Variants in PTCSC3 observed in about 807,000 individuals in gnomAD.
The protein encoded by PTCSC3 is papillary thyroid carcinoma susceptibility candidate 3 (non-protein coding).
At chr14:36,167,017 T>C (rs1882100565) in intron 1 of PTCSC3, among the ~76,000 whole-genome samples, 1 of 152,204 alleles carries the variant, frequency 6.6e-6, no homozygotes, top group Admixed American at 6.5e-5. Context: ...TGATAGAGGC[T>C]ATACCATAAT....
At chr14:36,153,843 T>C (rs1881773697) in exon 3 of PTCSC3, 2 of 152,090 alleles carry the variant, frequency 1.3e-5, no homozygotes, top group African/African-American at 2.4e-5. Flanking sequence ...GTGGGAAGAT[T>C]GTTCAAGCCC....
intron 3 of PTCSC3, among the ~76,000 whole-genome samples, chr14:36,148,372 G>A (rs1041565036): frequency 7.2e-5 from 11 of 152,204 alleles, no homozygotes; most frequent in Non-Finnish European, 1.2e-4. Flanking sequence ...GTGGTGCGCC[G>A]TTTTTTAAGC....
chr14:36,167,891 G>T (rs1882120962), intron 1 of PTCSC3, among the ~76,000 whole-genome samples: 1 of 152,072 alleles, frequency 6.6e-6, no homozygotes, highest in Admixed American at 6.6e-5. Context: ...CTACAACAAA[G>T]AATATGCTAA....
chr14:36,168,397 A>ATATATATT (rs1882135973), intron 1 of PTCSC3, among the ~76,000 whole-genome samples: 1 of 123,954 alleles, frequency 8.1e-6, no homozygotes, highest in African/African-American at 2.8e-5. Flanking sequence ...ATATATATAT[A>ATATATATT]TTCTACTTTT....
chr14:36,158,143 G>A (rs1416900389), intron 2 of PTCSC3, among the ~76,000 whole-genome samples: 6 of 152,190 alleles, frequency 3.9e-5, no homozygotes, highest in Non-Finnish European at 8.8e-5. Context: ...TCAGCTTAAG[G>A]AGATTTTGGG....
intron 2 of PTCSC3, among the ~76,000 whole-genome samples, chr14:36,155,625 G>A (rs1348698349): frequency 6.6e-6 from 1 of 152,034 alleles, no homozygotes; most frequent in Non-Finnish European, 1.5e-5. Flanking sequence ...CAACCGATCT[G>A]CGCAACTGAG....
chr14:36,171,917 A>C (rs369473933), intron 1 of PTCSC3, among the ~76,000 whole-genome samples: 27 of 152,148 alleles, frequency 1.8e-4, no homozygotes, highest in African/African-American at 6.5e-4. Context: ...TGGGTTATTT[A>C]ACCTTTCCCA....
chr14:36,134,936 C>T (rs1881252187), downstream of PTCSC3, among the ~76,000 whole-genome samples: 1 of 152,194 alleles, frequency 6.6e-6, no homozygotes, highest in African/African-American at 2.4e-5. Flanking sequence ...CATTATTCAT[C>T]ATTATGCTCA....
rs530314636 is a variant in PTCSC3 at position 36,149,765 on chromosome 14, C to T, written n.322+4039G>A. On this transcript the variant is annotated intron_variant and non_coding_transcript_variant, in intron 3 of 3. Coordinates refer to ENST00000556013, the Ensembl canonical transcript of PTCSC3. ...TTGATTCTGCTTTATCTGAAATCAACGTAGCTTCTTCAGCTTTCTTTTGAC... is the reference window on the plus strand; with the variant it reads ...TTGATTCTGCTTTATCTGAAATCAATGTAGCTTCTTCAGCTTTCTTTTGAC... Among the ~76,000 whole-genome samples, 310 of 152,276 alleles carry T rather than the reference C, an allele frequency of 2.0e-3. 1 individual carries two copies. The highest frequency in any genetic ancestry group is 7.0e-3 in the African/African-American group (292 of 41,552).
Position 36,149,060 on chromosome 14 carries a change from T to C in PTCSC3, n.322+4744A>G, listed in dbSNP as rs571799329. 2.0e-4 allele frequency among the ~76,000 whole-genome samples: 30 copies of C among 152,136 alleles called. No homozygotes were observed. In the South Asian group the frequency reaches 6.2e-3, roughly 32 times the overall value. On this transcript the variant is annotated intron_variant and non_coding_transcript_variant, in intron 3 of 3. Transcript: ENST00000556013. Reference sequence around the variant, plus strand: ...CTTGCTTTAAGGTTATATAACTCTTTCTCTAGTTATCTAATGTGTAGGCTT... The same window carrying C: ...CTTGCTTTAAGGTTATATAACTCTTCCTCTAGTTATCTAATGTGTAGGCTT...
At chr14:36,144,291 G>A (rs1325691210) in intron 3 of PTCSC3, among the ~76,000 whole-genome samples, 2 of 147,862 alleles carry the variant, frequency 1.4e-5, no homozygotes, top group African/African-American at 5.0e-5. Flanking sequence ...CTACTCATGA[G>A]CATGGAATGT....
intron 3 of PTCSC3, among the ~76,000 whole-genome samples, chr14:36,142,388 T>G (rs10140002): frequency 0.1 from 15,626 of 152,196 alleles, 996 homozygotes; most frequent in Middle Eastern, 0.18. Flanking sequence ...TTCCTCGTAT[T>G]TTGTTGGAGA....
intron 3 of PTCSC3, among the ~76,000 whole-genome samples, chr14:36,142,789 C>CA (rs1045256628): frequency 8.1e-5 from 12 of 147,356 alleles, no homozygotes; most frequent in Admixed American, 2.7e-4. Flanking sequence ...GTATATCTCC[C>CA]AATGCTATCC....
chr14:36,137,509 C>A (rs1006773984), intron 3 of PTCSC3, among the ~76,000 whole-genome samples: 3 of 152,112 alleles, frequency 2.0e-5, no homozygotes, highest in Non-Finnish European at 4.4e-5. Context: ...AGCTGGGAGG[C>A]TCTCACAACA....
intron 3 of PTCSC3, among the ~76,000 whole-genome samples, chr14:36,141,534 G>A (rs1266423614): frequency 6.6e-6 from 1 of 151,938 alleles, no homozygotes; most frequent in Non-Finnish European, 1.5e-5. Context: ...TGTATTTTTA[G>A]TAGAGACGGG....
chr14:36,168,393 A>G (rs1882135656), intron 1 of PTCSC3, among the ~76,000 whole-genome samples: 1 of 107,226 alleles, frequency 9.3e-6, no homozygotes, highest in South Asian at 3.2e-4. Context: ...ATATATATAT[A>G]TATATTCTAC....
At chr14:36,154,499 A>T (rs1881788560) in intron 2 of PTCSC3, among the ~76,000 whole-genome samples, 1 of 152,220 alleles carries the variant, frequency 6.6e-6, no homozygotes, top group Non-Finnish European at 1.5e-5. Context: ...TACTTCAATG[A>T]ACCAAATTAC....
chr14:36,141,322 G>C (rs559756561), intron 3 of PTCSC3, among the ~76,000 whole-genome samples: 4 of 152,020 alleles, frequency 2.6e-5, no homozygotes, highest in African/African-American at 9.6e-5. Flanking sequence ...GATCAAGTTG[G>C]GGATAACTGA....
chr14:36,173,099 A>G (rs1320915940), intron 1 of PTCSC3, among the ~76,000 whole-genome samples: 1 of 152,104 alleles, frequency 6.6e-6, no homozygotes, highest in Non-Finnish European at 1.5e-5. Flanking sequence ...CCGCAGATAA[A>G]CTTTAATTAG....
Sources: allele counts gnomAD v4.1 joint callset (sites outside exome capture counted in the v4.1 genomes callset), GRCh38; gene constraint gnomAD v4.1.1; transcripts MANE v1.5; gene names NCBI Gene and HGNC (gene_info 2026-07-23, HGNC 2026-07-21).